TRPC3: variants seen among roughly 807,000 people sequenced by gnomAD.
TRPC3 encodes the protein short transient receptor potential channel 3.
Under a neutral mutation model 90.9 loss-of-function variants are expected in TRPC3, and 54 were observed. That is an observed-to-expected ratio of 0.59 (90% CI 0.48 to 0.75). The LOEUF (loss-of-function observed/expected upper bound fraction) is 0.75, where lower values mean the gene tolerates loss of function less well. Among genes scored for constraint, TRPC3 ranks in the 30% least tolerant of loss-of-function variants. The pLI is 0.00. For synonymous variants in TRPC3, 424 were observed against 450.9 expected, an observed-to-expected ratio of 0.94 and a Z score of 0.75; for missense variants, 918 against 1,194.5, an observed-to-expected ratio of 0.77 and a Z score of 3.41.
rs1560695591 is a variant in TRPC3, at chr4:121,904,390, C to T, written c.2185G>A (p.Val729Ile). ...TTGAGTAAAACGACCACCATAGTTA[C>T]ATTGTATATTCCATAAAGAACGTAT... ...IGYVLYGIYN[V>I]TMVVVLLNML... The change falls in exon 8 of 12, where the codon GTA becomes ATA. Residue 729 changes from valine (V) to isoleucine (I), a missense_variant. Val to Ile is a conservative substitution (Grantham distance 29). Transcript: ENST00000379645. The T allele has an allele frequency of 6.2e-7, 1 of 1,606,040 alleles. No individual in the cohort carries two copies. Among genetic ancestry groups the T allele is most frequent in the Non-Finnish European group, 8.5e-7 (1 of 1,178,012 alleles).
intron 1 of TRPC3, among the ~76,000 whole-genome samples, chr4:121,936,292 A>G (rs1385443763): frequency 1.3e-5 from 2 of 152,334 alleles, no homozygotes; most frequent in East Asian, 3.9e-4. Context: ...TCTAGCATGA[A>G]AAATAAGGAA....
At chr4:121,916,039 T>C (rs1371558716) in intron 3 of TRPC3, among the ~76,000 whole-genome samples, 5 of 152,218 alleles carry the variant, frequency 3.3e-5, no homozygotes, top group Non-Finnish European at 7.3e-5. Context: ...TGAAATGTTT[T>C]TGGGAACTGA....
chr4:121,921,170 G>A (rs180761015), intron 3 of TRPC3, among the ~76,000 whole-genome samples: 3 of 152,152 alleles, frequency 2.0e-5, no homozygotes, highest in Admixed American at 1.3e-4. Context: ...CCTGAGCCCA[G>A]TTAGAAGACA....
In TRPC3 at chr4:121,914,815, G is replaced by C; in HGVS notation, c.1306C>G (p.Leu436Val). The part of the protein sequence containing the change: ...VLVVALGLPF[L>V]AIGYWIAPCS... ...GGTGCGATCCAGTAGCCAATGGCCA[G>C]GAATGGAAGGCCCAGGGCCACGACC... is the stretch of plus-strand genomic sequence containing the variant. Residue 436 changes from leucine (L) to valine (V), a missense_variant, in exon 4 of 12, where the codon CTG becomes GTG. Around this residue, in one of 4 missense-constraint regions of TRPC3, gnomAD observed 609 missense variants for 725.9 expected, o/e 0.84. Coordinates refer to ENST00000379645, the MANE Select transcript of TRPC3 (RefSeq NM_001130698.2). 6.2e-7 allele frequency: 1 copy of C among 1,613,048 alleles called. No individual in the cohort carries two copies. The highest frequency in any genetic ancestry group is 1.1e-5 in the South Asian group (1 of 90,930).
At position 121,910,774 on chromosome 4, in the gene TRPC3, G is replaced by T. The variant is rs533721884; in HGVS notation, c.1559-387C>A. Among the ~76,000 whole-genome samples, 35 of 152,194 alleles carry T rather than the reference G, an allele frequency of 2.3e-4. No homozygotes were observed. The East Asian group carries it at 5.6e-3, about 24-fold the overall frequency. On this transcript the variant is annotated intron_variant, in intron 5 of 11. Transcript: ENST00000379645. ...AAAATATGTTCTATACAATCACAAT[G>T]GTTAGTTATCAAACCATAGTGATTA...
intron 9 of TRPC3, among the ~76,000 whole-genome samples, chr4:121,900,052 T>C (rs1728651344): frequency 6.6e-6 from 1 of 152,210 alleles, no homozygotes; most frequent in Non-Finnish European, 1.5e-5. Flanking sequence ...GTTTGATCTG[T>C]TCCTGAGCCT....
chr4:121,933,135 A>C lies in TRPC3; in HGVS notation c.216-93T>G, dbSNP rs1160822801. 4 of 1,443,134 alleles carry C rather than the reference A, an allele frequency of 2.8e-6. No homozygotes were observed. In the East Asian group the frequency reaches 9.9e-5, roughly 36 times the overall value. 89.4% of individuals were successfully genotyped at this position (1,443,134 alleles called of 1,614,324 possible). A position where few individuals can be genotyped will look rare whatever the true frequency, so the allele number is the denominator to read the frequency against. ...GCCCTTTCTGGAATACACACTACCC[A>C]CTGCAAACCTCTGGCTGCAGGGGTC... is the stretch of plus-strand genomic sequence containing the variant. On this transcript the variant is annotated intron_variant, in intron 1 of 11. Coordinates refer to ENST00000379645, the MANE Select transcript of TRPC3 (RefSeq NM_001130698.2).
chr4:121,877,103 C>T lies in TRPC3; in HGVS notation c.*2633G>A, dbSNP rs1282127134. ...GTGACTAGGGAAAAGACTTGCTGAC[C>T]CAGAGCTATCTTTATCCTCAAGTGA... On this transcript the variant is annotated 3_prime_UTR_variant, in exon 12 of 12. Coordinates refer to ENST00000379645, the MANE Select transcript of TRPC3 (RefSeq NM_001130698.2). Among the ~76,000 whole-genome samples the T allele has an allele frequency of 6.6e-6, 1 of 152,110 alleles. No homozygotes were observed. The highest frequency in any genetic ancestry group is 1.5e-5 in the Non-Finnish European group (1 of 68,014).
intron 3 of TRPC3, among the ~76,000 whole-genome samples, chr4:121,921,660 T>G (rs895543106): frequency 6.6e-6 from 1 of 150,820 alleles, no homozygotes; most frequent in African/African-American, 2.5e-5. Context: ...TATCAGGGGG[T>G]GGGGGAGTCC....
intron 10 of TRPC3, 110 bp from the exon 11 acceptor site, chr4:121,882,539 A>C (rs1727979727): frequency 2.3e-6 from 2 of 853,202 alleles, no homozygotes; most frequent in African/African-American, 3.5e-5. Flanking sequence ...AGGGGAGAAA[A>C]AAATTTTATA....
Position 121,903,049 on chromosome 4 carries a change from C to T in TRPC3, c.2266G>A (p.Val756Ile), listed in dbSNP as rs1286787693. Reference sequence around the variant, plus strand: ...TTTGAACGAGCAAACTTCCATTCTACATCACTGTCATCCTGTGTCACAAAA... The same window carrying T: ...TTTGAACGAGCAAACTTCCATTCTATATCACTGTCATCCTGTGTCACAAAA... ...SYQEIEDDSD[V>I]EWKFARSKLW... Residue 756 changes from valine (V) to isoleucine (I), a missense_variant, in exon 9 of 12, where the codon GTA becomes ATA. Transcript: ENST00000379645. 1.2e-6 allele frequency: 2 copies of T among 1,610,918 alleles called. No individual in the cohort carries two copies.
At chr4:121,925,914 C>T (rs561062386) in intron 2 of TRPC3, among the ~76,000 whole-genome samples, 1 of 152,252 alleles carries the variant, frequency 6.6e-6, no homozygotes, top group African/African-American at 2.4e-5. Flanking sequence ...TTTGTACAAA[C>T]AATAGTTCTT....
intron 10 of TRPC3, among the ~76,000 whole-genome samples, chr4:121,883,590 C>T (rs1226685816): frequency 1.3e-5 from 2 of 152,174 alleles, no homozygotes; most frequent in African/African-American, 4.8e-5. Flanking sequence ...CACAATTTTA[C>T]ATCTAATAAA....
intron 3 of TRPC3, among the ~76,000 whole-genome samples, chr4:121,917,908 A>G (rs181012356): frequency 6.6e-6 from 1 of 152,338 alleles, no homozygotes; most frequent in Admixed American, 6.5e-5. Flanking sequence ...CAAAATTCCC[A>G]TGAAGTTAAG....
rs1727747293 is a variant in TRPC3 at position 121,875,880 on chromosome 4, C to G, written c.*3856G>C. Among the ~76,000 whole-genome samples, 1 of 145,928 alleles carries G rather than the reference C, an allele frequency of 6.9e-6. No individual in the cohort carries two copies. Among genetic ancestry groups the G allele is most frequent in the South Asian group, 2.2e-4 (1 of 4,626 alleles). ...TTAAACTGAACAAAGTTATAAATACCCATTTTAGATTTTTTTTTTTTTTTT... is the reference window on the plus strand; with the variant it reads ...TTAAACTGAACAAAGTTATAAATACGCATTTTAGATTTTTTTTTTTTTTTT... On this transcript the variant is annotated 3_prime_UTR_variant, in exon 12 of 12. Coordinates refer to ENST00000379645, the MANE Select transcript of TRPC3 (RefSeq NM_001130698.2).
chr4:121,916,852 T>C (rs1170940636), intron 3 of TRPC3, among the ~76,000 whole-genome samples: 1 of 152,096 alleles, frequency 6.6e-6, no homozygotes, highest in Non-Finnish European at 1.5e-5. Context: ...TAGCTAAGAT[T>C]ACAGGCATGT....
At chr4:121,882,864 T>C (rs904555388) in intron 10 of TRPC3, among the ~76,000 whole-genome samples, 2 of 152,114 alleles carry the variant, frequency 1.3e-5, no homozygotes, top group Non-Finnish European at 1.5e-5. Context: ...AATGAAATCA[T>C]TGGCAACCTC....
At chr4:121,948,893 C>G (rs2149158650) in intron 1 of TRPC3, among the ~76,000 whole-genome samples, 1 of 147,086 alleles carries the variant, frequency 6.8e-6, no homozygotes, top group East Asian at 2.0e-4. Flanking sequence ...TAAAACGGAA[C>G]TGATTTTACT....
At chr4:121,902,778 G>T in intron 9 of TRPC3, 74 bp downstream of exon 9, 1 of 1,171,884 alleles carries the variant, frequency 8.5e-7, no homozygotes, top group South Asian at 1.6e-5. Flanking sequence ...AAAAATTATT[G>T]AACAAACATC....
Sources: gnomAD v4.1 joint callset for allele counts (sites outside exome capture counted in the v4.1 genomes callset) on GRCh38, gnomAD v4.1.1 for gene constraint, gnomAD v4.1.1 regional missense constraint, MANE v1.5 for transcripts, NCBI Gene and HGNC (gene_info 2026-07-23, HGNC 2026-07-21) for gene names.